Variants in CFAP58 observed in about 807,000 individuals in gnomAD.
CFAP58 encodes cilia and flagella associated protein 58.
Under a neutral mutation model 119.5 loss-of-function variants are expected in CFAP58, and 88 were observed. That is an observed-to-expected ratio of 0.74 (90% CI 0.62 to 0.88). The LOEUF is 0.88. Among genes scored for constraint, CFAP58 ranks in the 40% least tolerant of loss-of-function variants. The pLI, the probability that CFAP58 is intolerant of heterozygous loss-of-function variation, is 0.00. For synonymous variants in CFAP58, 365 were observed against 366.3 expected, an observed-to-expected ratio of 1.00 and a Z score of 0.04; for missense variants, 990 against 1,021.2, an observed-to-expected ratio of 0.97 and a Z score of 0.42.
chr10:104,432,374 A>G (rs1021347752), intron 15 of CFAP58, among the ~76,000 whole-genome samples: 1 of 152,288 alleles, frequency 6.6e-6, no homozygotes, highest in Non-Finnish European at 1.5e-5. Flanking sequence ...AACATGTGAA[A>G]ATAAGGTAAC....
At chr10:104,392,182 TA>T in intron 9 of CFAP58, 50 bp from the exon 10 acceptor site, 1 of 1,518,908 alleles carries the variant, frequency 6.6e-7, no homozygotes, top group Non-Finnish European at 8.9e-7. Context: ...CCTGAACCAA[TA>T]AGCACAGATG....
intron 15 of CFAP58, among the ~76,000 whole-genome samples, chr10:104,416,055 T>C (rs1426946637): frequency 1.3e-5 from 2 of 152,116 alleles, no homozygotes; most frequent in Non-Finnish European, 2.9e-5. Context: ...CTGGGACTCA[T>C]TTTGGGGAAA....
In CFAP58 at chr10:104,392,213, T is replaced by C. The variant is rs1275827112; in HGVS notation, c.1366-20T>C. ...CAGATGGGCTATTTAACCACATTCA[T>C]ATATGTCTTTCTCCTCCAGGTCCTT... On this transcript the variant is annotated intron_variant, in intron 9 of 17. Coordinates refer to ENST00000369704, the MANE Select transcript of CFAP58 (RefSeq NM_001008723.2). 6.2e-7 allele frequency: 1 copy of C among 1,606,272 alleles called. No individual in the cohort carries two copies.
In CFAP58 at chr10:104,380,184, C is replaced by G. The variant is rs760696690; in HGVS notation, c.1329C>G (p.Asp443Glu). 14 of 1,614,030 alleles carry G rather than the reference C, an allele frequency of 8.7e-6. No homozygotes were observed. The highest frequency in any genetic ancestry group is 1.2e-5 in the Non-Finnish European group (14 of 1,179,978). The change falls in exon 9 of 18, where the codon GAC becomes GAG. Residue 443 changes from aspartate (D) to glutamate (E), a missense_variant. By Grantham distance (45) the Asp-to-Glu change is conservative (BLOSUM62 2). Transcript: ENST00000369704. ...TCTTTCATCTGGAAAAGGAGCGTGA[C>G]CGGTACATCAACCAAGCCAGTGACC... ...KIIFHLEKER[D>E]RYINQASDLT... is the part of the protein sequence containing the mutation.
At chr10:104,361,089 G>A (rs2135249069) in intron 2 of CFAP58, among the ~76,000 whole-genome samples, 1 of 152,138 alleles carries the variant, frequency 6.6e-6, no homozygotes, top group African/African-American at 2.4e-5. Flanking sequence ...CCAACATTGG[G>A]GATTACATTT....
chr10:104,341,311 C>G, the CFAP58 span, among the ~76,000 whole-genome samples: 2 of 151,402 alleles, frequency 1.3e-5, no homozygotes, highest in Non-Finnish European at 2.9e-5. Context: ...AAATTAAAAA[C>G]CAGACTAGGA....
intron 7 of CFAP58, among the ~76,000 whole-genome samples, chr10:104,373,413 C>A (rs945379850): frequency 6.6e-6 from 1 of 151,882 alleles, no homozygotes; most frequent in Non-Finnish European, 1.5e-5. Flanking sequence ...ACAGAAGGAT[C>A]GCTTAAGGCT....
rs1257539345 is a variant in CFAP58, at chr10:104,364,762, A to T, written c.470A>T (p.Glu157Val). 1 of 1,613,292 alleles carries T rather than the reference A, an allele frequency of 6.2e-7. No individual in the cohort carries two copies. Among genetic ancestry groups the T allele is most frequent in the Non-Finnish European group, 8.5e-7 (1 of 1,179,656 alleles). Residue 157 changes from glutamate (E) to valine (V), a missense_variant, in exon 4 of 18, where the codon GAA becomes GTA. Coordinates refer to ENST00000369704, the MANE Select transcript of CFAP58 (RefSeq NM_001008723.2). The part of the protein sequence containing the change: ...NIRDLLRFKE[E>V]VTKERDQLLS... ...CGAGATTTACTGAGGTTCAAAGAAG[A>T]AGTGACAAAGGAGAGAGACCAGCTC... is the stretch of plus-strand genomic sequence containing the variant.
intron 15 of CFAP58, among the ~76,000 whole-genome samples, chr10:104,439,857 T>C (rs1053327326): frequency 6.6e-6 from 1 of 152,242 alleles, no homozygotes; most frequent in African/African-American, 2.4e-5. Context: ...TCTCGCTCTG[T>C]GGCCCAGGCT....
chr10:104,427,793 T>C (rs1243327585), intron 15 of CFAP58, among the ~76,000 whole-genome samples: 1 of 152,178 alleles, frequency 6.6e-6, no homozygotes, highest in African/African-American at 2.4e-5. Flanking sequence ...AGGGAGAGGC[T>C]GAGGAGGGAG....
intron 15 of CFAP58, among the ~76,000 whole-genome samples, chr10:104,427,924 A>G (rs1441995070): frequency 6.6e-6 from 1 of 152,112 alleles, no homozygotes; most frequent in African/African-American, 2.4e-5. Context: ...TTTTTCCTGA[A>G]GTGGGGATCG....
intron 11 of CFAP58, 86 bp downstream of exon 11, chr10:104,393,561 C>A: frequency 7.4e-7 from 1 of 1,349,664 alleles, no homozygotes; most frequent in Non-Finnish European, 1.0e-6. Flanking sequence ...CAGCCAGGGG[C>A]AGGGAGAACA....
rs57512124 is a variant in CFAP58, at chr10:104,443,352, G to C, written c.2257-4346G>C. On this transcript the variant is annotated intron_variant, in intron 15 of 17. Transcript: ENST00000369704. ...TTTCCTTGGAGTTCTTGGCACTCAA[G>C]CATCTGAGTGGGTAGCTTTTGCCCT... Among the ~76,000 whole-genome samples the C allele has an allele frequency of 9.6e-3, 1,457 of 152,284 alleles. 23 individuals carry two copies. The highest frequency in any genetic ancestry group is 0.034 in the African/African-American group (1,394 of 41,556).
rs200540490 is a variant in CFAP58, at chr10:104,365,854, G to T, written c.638G>T (p.Arg213Leu). The T allele has an allele frequency of 1.9e-6, 3 of 1,612,730 alleles. No homozygotes were observed. Among genetic ancestry groups the T allele is most frequent in the Non-Finnish European group, 2.5e-6 (3 of 1,179,550 alleles). ...EIQQRQNEAS[R>L]EFRKKEKLEK... Reference sequence around the variant, plus strand: ...CAGCAACGTCAGAACGAAGCTTCCCGGGAGTTCCGGAAGAAGGAAAAACTA... The same window carrying T: ...CAGCAACGTCAGAACGAAGCTTCCCTGGAGTTCCGGAAGAAGGAAAAACTA... Residue 213 changes from arginine to leucine, a missense_variant, in exon 5 of 18, where the codon CGG becomes CTG. Transcript: ENST00000369704.
chr10:104,374,846 C>CA (rs56074829), intron 7 of CFAP58, among the ~76,000 whole-genome samples: 5,536 of 101,258 alleles, frequency 0.055, 158 homozygotes, highest in African/African-American at 0.11. Flanking sequence ...CTTATAACTG[C>CA]AAAAAAAAAA....
At chr10:104,375,789 CG>C (rs199558938) in intron 7 of CFAP58, among the ~76,000 whole-genome samples, 29 of 117,510 alleles carry the variant, frequency 2.5e-4, no homozygotes, top group Non-Finnish European at 3.2e-4. Flanking sequence ...TGGATGGGGT[CG>C]GGGGGGGCTT....
chr10:104,358,853 A>G (rs1202627330), intron 2 of CFAP58, among the ~76,000 whole-genome samples: 1 of 152,252 alleles, frequency 6.6e-6, no homozygotes, highest in Non-Finnish European at 1.5e-5. Context: ...TTTCTGGGAA[A>G]TAATGGGTTA....
intron 15 of CFAP58, among the ~76,000 whole-genome samples, chr10:104,435,998 T>A (rs1460722293): frequency 6.6e-6 from 1 of 152,132 alleles, no homozygotes; most frequent in Non-Finnish European, 1.5e-5. Flanking sequence ...TTCCGACTCC[T>A]CCCACCCATG....
At chr10:104,369,839 G>C (rs2014799418) in intron 6 of CFAP58, among the ~76,000 whole-genome samples, 2 of 152,190 alleles carry the variant, frequency 1.3e-5, no homozygotes, top group African/African-American at 4.8e-5. Context: ...AAGAATCCCA[G>C]CTGCTTTTCC....
Sources: gnomAD v4.1 joint callset for allele counts (sites outside exome capture counted in the v4.1 genomes callset) on GRCh38, gnomAD v4.1.1 for gene constraint, MANE v1.5 for transcripts, NCBI Gene and HGNC (gene_info 2026-07-23, HGNC 2026-07-21) for gene names.